The following SPIDR variants were observed in gnomAD, a reference collection of about 807,000 sequenced individuals.
SPIDR encodes the protein DNA repair-scaffolding protein.
In SPIDR, 93 loss-of-function variants were observed where a neutral mutation model predicts 104.6. The ratio of observed to expected loss-of-function variants is 0.89; its 90% CI spans 0.75 to 1.06. SPIDR has a LOEUF of 1.06. SPIDR is among the 50% of genes least tolerant of loss of function. The probability of loss-of-function intolerance (pLI) is 0.00; values close to 1 mark genes in which losing one functional copy is unlikely to be tolerated. For synonymous variants in SPIDR, 431 were observed against 416.9 expected (o/e 1.03, Z -0.41); for missense variants, 1,154 against 1,111.2 (o/e 1.04, Z -0.55).
chr8:47,354,516 A>G (rs1045854694), intron 5 of SPIDR, among the ~76,000 whole-genome samples: 4 of 152,146 alleles, frequency 2.6e-5, no homozygotes, highest in Non-Finnish European at 5.9e-5. Context: ...GTGAACAAAC[A>G]TATTCTGCCT....
At chr8:47,424,840 A>T (rs1554683548) in intron 7 of SPIDR, among the ~76,000 whole-genome samples, 1 of 152,032 alleles carries the variant, frequency 6.6e-6, no homozygotes, top group African/African-American at 2.4e-5. Flanking sequence ...GGTCCAGACA[A>T]TTTTTGTGCC....
intron 8 of SPIDR, among the ~76,000 whole-genome samples, chr8:47,556,336 C>A (rs2091319764): frequency 1.3e-5 from 2 of 152,202 alleles, no homozygotes; most frequent in Admixed American, 6.5e-5. Context: ...CCTCTTCCTT[C>A]CATTCATTGG....
chr8:47,495,887 T>G (rs1377226787), intron 8 of SPIDR, among the ~76,000 whole-genome samples: 1 of 152,174 alleles, frequency 6.6e-6, no homozygotes, highest in African/African-American at 2.4e-5. Context: ...ATTTCTGTCC[T>G]TATGCCACTA....
intron 8 of SPIDR, among the ~76,000 whole-genome samples, chr8:47,476,690 T>C (rs559361507): frequency 6.6e-6 from 1 of 152,342 alleles, no homozygotes; most frequent in East Asian, 1.9e-4. Context: ...ATTTATTTGC[T>C]TGTTTATTTT....
intron 10 of SPIDR, among the ~76,000 whole-genome samples, chr8:47,619,583 C>G (rs114152005): frequency 6.6e-6 from 1 of 151,702 alleles, no homozygotes; most frequent in Non-Finnish European, 1.5e-5. Context: ...GCTTTTTCTA[C>G]ATGATACTCT....
intron 8 of SPIDR, among the ~76,000 whole-genome samples, chr8:47,454,129 A>G (rs1320896108): frequency 6.6e-6 from 1 of 152,218 alleles, no homozygotes; most frequent in Admixed American, 6.5e-5. Flanking sequence ...ATTACTGGGT[A>G]TATACCCAAA....
chr8:47,403,455 C>G lies in SPIDR; in HGVS notation c.777-4406C>G, dbSNP rs539333954. Among the ~76,000 whole-genome samples the G allele has an allele frequency of 2.6e-5, 4 of 152,248 alleles. No homozygotes were observed. In the South Asian group the frequency reaches 8.3e-4, roughly 32 times the overall value. On this transcript the variant is annotated intron_variant, in intron 6 of 19. Transcript: ENST00000297423. The stretch of plus-strand genomic sequence containing the variant: ...TGACAGGATTGTACATTTAGAAAAC[C>G]CCATCGTCTCAGCCCAAAATCTCCT...
intron 8 of SPIDR, among the ~76,000 whole-genome samples, chr8:47,591,653 G>C (rs184767540): frequency 2.0e-5 from 3 of 151,836 alleles, no homozygotes; most frequent in African/African-American, 7.3e-5. Flanking sequence ...TCCATCTACA[G>C]CATCTAAATA....
chr8:47,502,779 T>G (rs1335980083), intron 8 of SPIDR, among the ~76,000 whole-genome samples: 1 of 152,238 alleles, frequency 6.6e-6, no homozygotes, highest in Non-Finnish European at 1.5e-5. Flanking sequence ...CATTTAGTGC[T>G]ATAAATTTCC....
At chr8:47,626,397 TTAAAC>T (rs1370638010) in intron 10 of SPIDR, among the ~76,000 whole-genome samples, 2 of 152,108 alleles carry the variant, frequency 1.3e-5, no homozygotes, top group African/African-American at 4.8e-5. Flanking sequence ...TGGGATCTAA[TTAAAC>T]TAAAGAGCTT....
chr8:47,652,893 C>T (rs2071935501), intron 10 of SPIDR, among the ~76,000 whole-genome samples: 1 of 152,128 alleles, frequency 6.6e-6, no homozygotes, highest in African/African-American at 2.4e-5. Context: ...GATTCAGAAG[C>T]GAATCACCTA....
intron 5 of SPIDR, among the ~76,000 whole-genome samples, chr8:47,371,657 G>A (rs781810888): frequency 6.6e-6 from 1 of 152,136 alleles, no homozygotes; most frequent in African/African-American, 2.4e-5. Flanking sequence ...ATCTTGGGGG[G>A]AGACACATTC....
chr8:47,473,092 A>G (rs2075909957), intron 8 of SPIDR, among the ~76,000 whole-genome samples: 2 of 152,200 alleles, frequency 1.3e-5, no homozygotes, highest in Non-Finnish European at 2.9e-5. Context: ...AGAACACACC[A>G]CTTAGCACAC....
chr8:47,701,846 C>G lies in SPIDR; in HGVS notation c.1899C>G (p.Cys633Trp). ...TTTACCAGCCTCCAGTTACCCGCTGCTTAAGAGACATTCTCCAGGTAATGT... is the reference window on the plus strand; with the variant it reads ...TTTACCAGCCTCCAGTTACCCGCTGGTTAAGAGACATTCTCCAGGTAATGT... Reference protein sequence around the residue: ...YKLYQPPVTRCLRDILQMNDL... With the variant: ...YKLYQPPVTRWLRDILQMNDL... The change falls in exon 13 of 20, where the codon TGC becomes TGG. Residue 633 changes from cysteine to tryptophan, a missense_variant. Transcript: ENST00000297423. The G allele has an allele frequency of 1.9e-6, 3 of 1,614,138 alleles. No individual in the cohort carries two copies. The highest frequency in any genetic ancestry group is 2.5e-6 in the Non-Finnish European group (3 of 1,180,030).
At chr8:47,360,993 G>T (rs1241201174) in intron 5 of SPIDR, 1 of 981,636 alleles carries the variant, frequency 1.0e-6, no homozygotes, top group Non-Finnish European at 1.2e-6. Flanking sequence ...AAATGCTCAT[G>T]ATTTTTTAAT....
At chr8:47,458,380 AT>A (rs1252734444) in intron 8 of SPIDR, among the ~76,000 whole-genome samples, 1 of 146,552 alleles carries the variant, frequency 6.8e-6, no homozygotes, top group Non-Finnish European at 1.5e-5. Flanking sequence ...ATTTTATTTT[AT>A]TTTATTTTAT....
intron 5 of SPIDR, among the ~76,000 whole-genome samples, chr8:47,358,127 A>G (rs1251124325): frequency 6.6e-6 from 1 of 152,190 alleles, no homozygotes; most frequent in East Asian, 1.9e-4. Flanking sequence ...AGTGGAGTGC[A>G]GTGGCTGTTC....
chr8:47,668,952 A>C (rs1034656013), intron 10 of SPIDR, among the ~76,000 whole-genome samples: 2 of 152,198 alleles, frequency 1.3e-5, no homozygotes, highest in African/African-American at 4.8e-5. Flanking sequence ...TAAGTACCCC[A>C]CCAAGAAAAG....
chr8:47,325,046 C>T (rs2047430527), intron 5 of SPIDR, among the ~76,000 whole-genome samples: 1 of 152,236 alleles, frequency 6.6e-6, no homozygotes, highest in African/African-American at 2.4e-5. Flanking sequence ...TTTTAACATT[C>T]ACTTATTTAA....
Sources: allele counts gnomAD v4.1 joint callset (sites outside exome capture counted in the v4.1 genomes callset), GRCh38; gene constraint gnomAD v4.1.1; transcripts MANE v1.5; gene names NCBI Gene and HGNC (gene_info 2026-07-23, HGNC 2026-07-21).